Variants in TMPRSS12 observed in about 807,000 individuals in gnomAD.
TMPRSS12 encodes the protein transmembrane protease serine 12.
Under a neutral mutation model 26.0 loss-of-function variants are expected in TMPRSS12, and 25 were observed. That is an observed-to-expected ratio of 0.96 (90% CI 0.70 to 1.34). The LOEUF (loss-of-function observed/expected upper bound fraction) is 1.34. Ranked by LOEUF, TMPRSS12 falls within the 40% of genes most tolerant of loss-of-function variation. The pLI is 0.00. For missense variants in TMPRSS12, 441 were observed against 440.1 expected, an observed-to-expected ratio of 1.00 and a Z score of -0.02; for synonymous variants, 150 against 161.7, an observed-to-expected ratio of 0.93 and a Z score of 0.55.
At position 50,887,342 on chromosome 12, in the gene TMPRSS12, T is replaced by C; in HGVS notation, c.876T>C (p.His292=). The C allele has an allele frequency of 6.2e-7, 1 of 1,613,948 alleles. No individual in the cohort carries two copies. Among genetic ancestry groups the C allele is most frequent in the African/African-American group, 1.3e-5 (1 of 75,034 alleles). The change falls in exon 5 of 5, where the codon CAT becomes CAC. Residue 292 remains histidine, a synonymous_variant. Coordinates refer to ENST00000398458, the MANE Select transcript of TMPRSS12 (RefSeq NM_182559.3). Reference sequence around the variant, plus strand: ...TAATGGGAATTACCAGTTACGGACATGGCTGTGGTCGAAGAGGTTTTCCTG... The same window carrying C: ...TAATGGGAATTACCAGTTACGGACACGGCTGTGGTCGAAGAGGTTTTCCTG... ...FFVMGITSYG[H]GCGRRGFPGV...
At chr12:50,843,682 C>T (rs1277847868) in intron 1 of TMPRSS12, among the ~76,000 whole-genome samples, 160 bp from the exon 2 acceptor site, 1 of 152,142 alleles carries the variant, frequency 6.6e-6, no homozygotes, top group Non-Finnish European at 1.5e-5. Context: ...TTTGTCTTAA[C>T]TCTCCAAGTT....
At chr12:50,858,184 T>C (rs1937899944) in intron 2 of TMPRSS12, among the ~76,000 whole-genome samples, 1 of 152,128 alleles carries the variant, frequency 6.6e-6, no homozygotes, top group Non-Finnish European at 1.5e-5. Context: ...AATATCCAAA[T>C]GTTTCATTCC....
At position 50,884,828 on chromosome 12, in the gene TMPRSS12, C is replaced by T. The variant is rs540287814; in HGVS notation, c.653-418C>T. Among the ~76,000 whole-genome samples the T allele has an allele frequency of 7.3e-5, 11 of 151,416 alleles. 1 individual carries two copies. In the East Asian group the frequency reaches 9.7e-4, roughly 13 times the overall value. On this transcript the variant is annotated intron_variant, in intron 3 of 4. Transcript: ENST00000398458. ...CAGAGGTTGTAGTGAGCCGAGATCA[C>T]GCCACTGCACTGCAGCCTGGGTGAC...
intron 2 of TMPRSS12, among the ~76,000 whole-genome samples, chr12:50,857,400 A>G (rs1387229971): frequency 6.6e-6 from 1 of 152,094 alleles, no homozygotes; most frequent in African/African-American, 2.4e-5. Flanking sequence ...TTGCCCATCT[A>G]TTTACACTTT....
At position 50,887,601 on chromosome 12, in the gene TMPRSS12, T is replaced by C; in HGVS notation, c.*88T>C. 6.8e-7 allele frequency: 1 copy of C among 1,473,524 alleles called. No homozygotes were observed. The highest frequency in any genetic ancestry group is 9.1e-7 in the Non-Finnish European group (1 of 1,101,052). The allele number at this position is 1,473,524 out of a possible 1,614,324, so 91.3% of individuals were successfully genotyped here. ...TGAACATCATTTATTCTTCTAGCAA[T>C]TAATTGCCTACATTAGAGATTTCAT... On this transcript the variant is annotated 3_prime_UTR_variant, in exon 5 of 5. Transcript: ENST00000398458.
intron 3 of TMPRSS12, among the ~76,000 whole-genome samples, chr12:50,878,098 G>T (rs1273319717): frequency 6.6e-6 from 1 of 151,812 alleles, no homozygotes. Context: ...TCACAGATTG[G>T]CCTATCAAAA....
intron 3 of TMPRSS12, among the ~76,000 whole-genome samples, chr12:50,878,551 C>G (rs1938134562): frequency 6.6e-6 from 1 of 152,084 alleles, no homozygotes; most frequent in Non-Finnish European, 1.5e-5. Flanking sequence ...GCACTTCAGT[C>G]TTGGGTAACA....
At chr12:50,878,159 T>C (rs1488075227) in intron 3 of TMPRSS12, among the ~76,000 whole-genome samples, 9 of 146,946 alleles carry the variant, frequency 6.1e-5, no homozygotes, top group Non-Finnish European at 3.0e-5. Context: ...AAAATGTATA[T>C]GGAAAGGCAA....
chr12:50,864,022 C>G (rs1054212658), intron 3 of TMPRSS12, among the ~76,000 whole-genome samples: 1 of 152,138 alleles, frequency 6.6e-6, no homozygotes, highest in Non-Finnish European at 1.5e-5. Flanking sequence ...ATATAACCAA[C>G]AAATCCTCAC....
chr12:50,868,313 G>A (rs1938010508), intron 3 of TMPRSS12, among the ~76,000 whole-genome samples: 1 of 152,182 alleles, frequency 6.6e-6, no homozygotes, highest in Admixed American at 6.5e-5. Flanking sequence ...GGCATTTCAT[G>A]CAAATGGACA....
intron 2 of TMPRSS12, among the ~76,000 whole-genome samples, chr12:50,853,946 A>G (rs1178515660): frequency 6.6e-6 from 1 of 152,138 alleles, no homozygotes; most frequent in African/African-American, 2.4e-5. Flanking sequence ...AAAAAATTGG[A>G]ATTAGGGACT....
At chr12:50,873,674 T>C (rs891714421) in intron 3 of TMPRSS12, among the ~76,000 whole-genome samples, 2 of 152,176 alleles carry the variant, frequency 1.3e-5, no homozygotes, top group African/African-American at 2.4e-5. Context: ...TGGTAACATA[T>C]CTGGAGAAAA....
chr12:50,863,424 A>C (rs909603717), intron 3 of TMPRSS12, among the ~76,000 whole-genome samples: 2 of 152,182 alleles, frequency 1.3e-5, no homozygotes, highest in African/African-American at 4.8e-5. Context: ...GTACCCCTAG[A>C]TATTTATCCC....
chr12:50,858,589 T>A (rs1415606465), intron 2 of TMPRSS12, among the ~76,000 whole-genome samples, 196 bp from the exon 3 acceptor site: 1 of 152,210 alleles, frequency 6.6e-6, no homozygotes, highest in Non-Finnish European at 1.5e-5. Flanking sequence ...TGAATCAGTT[T>A]CTGGATTTTC....
intron 2 of TMPRSS12, among the ~76,000 whole-genome samples, chr12:50,850,213 G>A (rs574584103): frequency 6.6e-6 from 1 of 152,294 alleles, no homozygotes; most frequent in African/African-American, 2.4e-5. Flanking sequence ...TGTGGGGGCA[G>A]ATCCCTCATG....
chr12:50,881,474 T>TA (rs556696348), intron 3 of TMPRSS12, among the ~76,000 whole-genome samples: 2 of 152,016 alleles, frequency 1.3e-5, no homozygotes, highest in East Asian at 1.9e-4. Context: ...AATAAAGCTG[T>TA]AAAAAAATGA....
intron 2 of TMPRSS12, among the ~76,000 whole-genome samples, chr12:50,852,902 A>T (rs781571145): frequency 4.6e-5 from 7 of 152,214 alleles, no homozygotes; most frequent in Non-Finnish European, 7.3e-5. Context: ...CACCCCACTG[A>T]CAGTATTAGA....
At chr12:50,886,242 T>G (rs1938225140) in intron 4 of TMPRSS12, 1 of 152,212 alleles carries the variant, frequency 6.6e-6, no homozygotes, top group South Asian at 2.1e-4. Context: ...TCTCCCATTC[T>G]GTAGACTGTT....
In TMPRSS12 at chr12:50,865,265, G is replaced by A. The variant is rs538954937; in HGVS notation, c.652+6212G>A. Among the ~76,000 whole-genome samples the A allele has an allele frequency of 7.9e-5, 12 of 152,242 alleles. No individual in the cohort carries two copies. The East Asian group carries it at 2.3e-3, about 30-fold the overall frequency. ...GGAGAATCACTTGAACCAGGAGGCA[G>A]AGGTTGCAGTGAGCCAAGATCATAT... is the stretch of plus-strand genomic sequence containing the variant. On this transcript the variant is annotated intron_variant, in intron 3 of 4. Coordinates refer to ENST00000398458, the MANE Select transcript of TMPRSS12 (RefSeq NM_182559.3).
Sources: gnomAD v4.1 joint callset for allele counts (sites outside exome capture counted in the v4.1 genomes callset) on GRCh38, gnomAD v4.1.1 for gene constraint, MANE v1.5 for transcripts, NCBI Gene and HGNC (gene_info 2026-07-23, HGNC 2026-07-21) for gene names.